The following CNBD2 variants were observed in gnomAD, a reference collection of about 807,000 sequenced individuals.
CNBD2 encodes cyclic nucleotide binding domain containing 2.
In CNBD2, 64 loss-of-function variants were observed where a neutral mutation model predicts 63.7. The ratio of observed to expected loss-of-function variants is 1.00; its 90% CI spans 0.82 to 1.24. The LOEUF (loss-of-function observed/expected upper bound fraction) is 1.24, where lower values mean the gene tolerates loss of function less well. CNBD2 is among the 50% of genes most tolerant of loss of function. The pLI, the probability that CNBD2 is intolerant of heterozygous loss-of-function variation, is 0.00. For synonymous variants in CNBD2, 229 were observed against 255.4 expected, an observed-to-expected ratio of 0.90 and a Z score of 0.99; for missense variants, 691 against 713.5, an observed-to-expected ratio of 0.97 and a Z score of 0.36.
In CNBD2 at chr20:35,995,186, C is replaced by T. The variant is rs780285521; in HGVS notation, c.970+34C>T. 12 of 1,438,354 alleles carry T rather than the reference C, an allele frequency of 8.3e-6. No individual in the cohort carries two copies. In the East Asian group the frequency reaches 9.1e-5, roughly 11 times the overall value. 89.1% of individuals were successfully genotyped at this position (1,438,354 alleles called of 1,614,324 possible). ...CCTTGGCCTGTCTGACAGCAGGGGG[C>T]GCCTGGGCCTGTCCTGTTTCCAGTT... On this transcript the variant is annotated intron_variant, in intron 8 of 11. Transcript: ENST00000373973.
intron 10 of CNBD2, among the ~76,000 whole-genome samples, chr20:36,022,860 TC>T (rs1295220068): frequency 6.6e-6 from 1 of 151,988 alleles, no homozygotes; most frequent in Non-Finnish European, 1.5e-5. Context: ...GCTCAAGTGA[TC>T]CACCCGCCTG....
upstream of CNBD2, chr20:35,954,638 T>G: frequency 1.5e-6 from 2 of 1,298,582 alleles, no homozygotes; most frequent in Non-Finnish European, 2.0e-6. Flanking sequence ...CCTGGGCTCC[T>G]TCCGAATGGT....
chr20:36,000,789 T>C (rs1455744808), intron 8 of CNBD2, among the ~76,000 whole-genome samples: 2 of 144,186 alleles, frequency 1.4e-5, no homozygotes, highest in Non-Finnish European at 3.0e-5. Flanking sequence ...TTCTTGGGTG[T>C]TTCTCGCAGA....
At chr20:35,980,714 CT>C in intron 4 of CNBD2, 92 bp downstream of exon 4, 1 of 1,191,324 alleles carries the variant, frequency 8.4e-7, no homozygotes, top group Non-Finnish European at 1.2e-6. Context: ...CTGCCCACCC[CT>C]CTGCATAATG....
downstream of CNBD2, among the ~76,000 whole-genome samples, chr20:35,956,464 A>G: frequency 6.6e-6 from 1 of 152,224 alleles, no homozygotes; most frequent in East Asian, 1.9e-4. Context: ...ACTCTGTCCC[A>G]TTTGGTCTCA....
intron 8 of CNBD2, among the ~76,000 whole-genome samples, chr20:36,004,045 A>G (rs1267137175): frequency 2.6e-5 from 4 of 152,188 alleles, no homozygotes; most frequent in Non-Finnish European, 4.4e-5. Flanking sequence ...TTCCCCAAGA[A>G]TGAGAGAGAG....
upstream of CNBD2, among the ~76,000 whole-genome samples, chr20:35,964,342 G>A (rs575335169): frequency 1.4e-4 from 21 of 151,794 alleles, 1 homozygote; most frequent in South Asian, 4.4e-3. Context: ...CACCATGCCC[G>A]GCTAATTTTG....
rs565149551 is a variant in CNBD2 at position 35,977,408 on chromosome 20, G to A, written c.243+1406G>A. Reference sequence around the variant, plus strand: ...CCTTTGGCCAGATGTGCTAGCTCACGCTTGTAATCTCAGCACTTTGGGAGG... The same window carrying A: ...CCTTTGGCCAGATGTGCTAGCTCACACTTGTAATCTCAGCACTTTGGGAGG... On this transcript the variant is annotated intron_variant, in intron 3 of 11. Transcript: ENST00000373973. Among the ~76,000 whole-genome samples the A allele has an allele frequency of 3.3e-5, 5 of 152,268 alleles. No individual in the cohort carries two copies. The East Asian group carries it at 9.7e-4, about 29-fold the overall frequency.
chr20:35,971,823 T>C (rs907132523), intron 1 of CNBD2, among the ~76,000 whole-genome samples: 1 of 152,186 alleles, frequency 6.6e-6, no homozygotes, highest in Non-Finnish European at 1.5e-5. Context: ...CCATGCCTTG[T>C]TTTTTTCATC....
At chr20:35,955,923 G>T (rs992156362), downstream of CNBD2, among the ~76,000 whole-genome samples, 4 of 152,146 alleles carry the variant, frequency 2.6e-5, no homozygotes, top group Non-Finnish European at 5.9e-5. Context: ...GTTTCACCGT[G>T]TTGGCCAGAC....
At chr20:36,009,952 G>C (rs2794371) in intron 9 of CNBD2, among the ~76,000 whole-genome samples, 4 of 152,106 alleles carry the variant, frequency 2.6e-5, no homozygotes, top group Admixed American at 6.5e-5. Flanking sequence ...ACCAAGGTAC[G>C]GGGAGAGATT....
upstream of CNBD2, among the ~76,000 whole-genome samples, chr20:35,966,281 C>T (rs962179131): frequency 6.6e-6 from 1 of 152,140 alleles, no homozygotes; most frequent in Non-Finnish European, 1.5e-5. Flanking sequence ...CCAGTTTTGT[C>T]CCTTCTCACC....
At chr20:35,956,674 C>A (rs1368157162), downstream of CNBD2, among the ~76,000 whole-genome samples, 1 of 152,110 alleles carries the variant, frequency 6.6e-6, no homozygotes, top group East Asian at 1.9e-4. Flanking sequence ...GGTTTGCTGC[C>A]CAGAGTGACC....
chr20:35,984,544 T>A, intron 5 of CNBD2, 83 bp from the exon 6 acceptor site: 1 of 1,438,204 alleles, frequency 7.0e-7, no homozygotes, highest in South Asian at 1.3e-5. Context: ...AGGGGGAAGA[T>A]GGAGGCACGG....
Position 35,976,001 on chromosome 20 carries a change from AG to A in CNBD2, c.243+1del. 6.2e-7 allele frequency: 1 copy of A among 1,608,376 alleles called. No individual in the cohort carries two copies. Reference protein sequence around the residue: ...TFDTMDFIAEEGHFPPKAIQI... With the variant: ...TFDTMDFIAEXGHFPPKAIQI... ...GATACCATGGACTTCATTGCAGAGG[AG>A]GTATGCATAGCTCGAAACTTGCTGT... On this transcript the variant is annotated frameshift_variant and splice_region_variant, in exon 3 of 12. Transcript: ENST00000373973. LOFTEE classifies it high-confidence loss of function.
chr20:36,024,486 A>G (rs1490855973), intron 11 of CNBD2, among the ~76,000 whole-genome samples: 1 of 151,470 alleles, frequency 6.6e-6, no homozygotes, highest in Non-Finnish European at 1.5e-5. Flanking sequence ...AAAATTAGCC[A>G]GGCATGGTAG....
intron 8 of CNBD2, among the ~76,000 whole-genome samples, chr20:36,007,829 C>T (rs1473588921): frequency 1.3e-5 from 2 of 152,166 alleles, no homozygotes; most frequent in Non-Finnish European, 2.9e-5. Context: ...GCCTGTAATT[C>T]TTACAATAGT....
intron 10 of CNBD2, among the ~76,000 whole-genome samples, chr20:36,020,360 C>A (rs2057191530): frequency 6.6e-6 from 1 of 152,298 alleles, no homozygotes; most frequent in Non-Finnish European, 1.5e-5. Context: ...GGATTACAGG[C>A]ATGAGCCACT....
chr20:36,014,710 C>A (rs1382419640), intron 10 of CNBD2, among the ~76,000 whole-genome samples: 1 of 152,070 alleles, frequency 6.6e-6, no homozygotes, highest in East Asian at 1.9e-4. Flanking sequence ...TGGGTCACTG[C>A]AGCCTTGAAC....
Sources: gnomAD v4.1 joint callset for allele counts (sites outside exome capture counted in the v4.1 genomes callset) on GRCh38, gnomAD v4.1.1 for gene constraint, MANE v1.5 for transcripts, NCBI Gene and HGNC (gene_info 2026-07-23, HGNC 2026-07-21) for gene names.